SUMF1: variants seen among roughly 807,000 people sequenced by gnomAD.
The protein encoded by SUMF1 is sulfatase modifying factor 1.
Under a neutral mutation model 47.6 loss-of-function variants are expected in SUMF1, and 48 were observed. The ratio of observed to expected loss-of-function variants is 1.01; its 90% confidence interval spans 0.80 to 1.28. The LOEUF (loss-of-function observed/expected upper bound fraction) is 1.28. SUMF1 is among the 50% of genes most tolerant of loss of function. The pLI is 0.00. For synonymous variants in SUMF1, 230 were observed against 192.1 expected (o/e 1.20, Z -1.63); for missense variants, 571 against 485.4 (o/e 1.18, Z -1.66).
chr3:4,363,541 T>C (rs899207403), intron 8 of SUMF1, among the ~76,000 whole-genome samples: 1 of 151,828 alleles, frequency 6.6e-6, no homozygotes, highest in African/African-American at 2.4e-5. Context: ...TATTGGTGTA[T>C]AAGATTGCTT....
intron 8 of SUMF1, among the ~76,000 whole-genome samples, chr3:4,152,687 AT>A (rs1457025954): frequency 4.0e-5 from 6 of 151,400 alleles, no homozygotes; most frequent in African/African-American, 1.5e-4. Context: ...ACTTCTATAA[AT>A]CAAACTGTCT....
intron 3 of SUMF1, among the ~76,000 whole-genome samples, chr3:4,447,281 T>C (rs1296317942): frequency 6.6e-6 from 1 of 152,186 alleles, no homozygotes; most frequent in Non-Finnish European, 1.5e-5. Context: ...AAATAAACCA[T>C]ATTATTAACT....
chr3:4,466,937 G>A (rs1303657051), intron 1 of SUMF1, 39 bp downstream of exon 1: 8 of 1,599,576 alleles, frequency 5.0e-6, no homozygotes, highest in Non-Finnish European at 6.8e-6. Flanking sequence ...TCCAGGAACC[G>A]AGCAGCCCCC....
At chr3:4,121,814 C>A (rs566604693) in intron 8 of SUMF1, among the ~76,000 whole-genome samples, 1 of 152,086 alleles carries the variant, frequency 6.6e-6, no homozygotes, top group Admixed American at 6.5e-5. Flanking sequence ...TTTCATCACC[C>A]CAGTATTAAG....
At chr3:4,400,616 C>T (rs888482423) in intron 7 of SUMF1, among the ~76,000 whole-genome samples, 9 of 152,150 alleles carry the variant, frequency 5.9e-5, no homozygotes, top group African/African-American at 1.7e-4. Context: ...GCTTAGAAAC[C>T]GTAATCTGCT....
intron 8 of SUMF1, among the ~76,000 whole-genome samples, chr3:4,123,285 CAGA>C (rs1334910292): frequency 2.0e-5 from 3 of 152,012 alleles, no homozygotes; most frequent in African/African-American, 7.2e-5. Flanking sequence ...CACAGCACAG[CAGA>C]AGCTAGTTTA....
chr3:4,448,409 C>A (rs967230742), intron 3 of SUMF1, among the ~76,000 whole-genome samples: 1 of 150,104 alleles, frequency 6.7e-6, no homozygotes, highest in Non-Finnish European at 1.5e-5. Context: ...TGGATTCCTT[C>A]GTCTTCAATG....
intron 8 of SUMF1, among the ~76,000 whole-genome samples, chr3:4,157,021 C>T: frequency 6.6e-6 from 1 of 151,554 alleles, no homozygotes; most frequent in Admixed American, 6.5e-5. Context: ...CTGTCTGCAT[C>T]TTTGAGTACC....
At chr3:4,344,455 T>C (rs1699334162) in intron 8 of SUMF1, among the ~76,000 whole-genome samples, 1 of 151,960 alleles carries the variant, frequency 6.6e-6, no homozygotes, top group Non-Finnish European at 1.5e-5. Flanking sequence ...GACCTGACTT[T>C]TGAAAGAAAA....
chr3:4,456,953 CGT>C (rs369311457), intron 1 of SUMF1, among the ~76,000 whole-genome samples: 4 of 42,520 alleles, frequency 9.4e-5, no homozygotes, highest in African/African-American at 2.8e-4. Context: ...TACATATATA[CGT>C]GTGTGTATAT....
intron 9 of SUMF1, among the ~76,000 whole-genome samples, chr3:4,060,831 TG>T (rs1298328771): frequency 6.6e-6 from 1 of 152,166 alleles, no homozygotes; most frequent in Non-Finnish European, 1.5e-5. Flanking sequence ...GGAAAGTGTT[TG>T]GCACATAGTA....
chr3:4,133,350 C>T (rs1574912453), intron 8 of SUMF1, among the ~76,000 whole-genome samples: 1 of 151,978 alleles, frequency 6.6e-6, no homozygotes, highest in Non-Finnish European at 1.5e-5. Flanking sequence ...TATTATTGTC[C>T]TTATTTGAAA....
chr3:4,203,403 T>A (rs1648696786), intron 8 of SUMF1, among the ~76,000 whole-genome samples: 1 of 152,026 alleles, frequency 6.6e-6, no homozygotes, highest in African/African-American at 2.4e-5. Context: ...ATATAGCTAC[T>A]CCTGCTCTTT....
At chr3:4,134,778 G>A (rs1037576234) in intron 8 of SUMF1, among the ~76,000 whole-genome samples, 2 of 152,048 alleles carry the variant, frequency 1.3e-5, no homozygotes, top group Non-Finnish European at 2.9e-5. Flanking sequence ...AATAAAAAAT[G>A]ATAAAGGGGG....
intron 8 of SUMF1, among the ~76,000 whole-genome samples, chr3:4,128,499 C>T (rs904095818): frequency 3.9e-5 from 6 of 152,146 alleles, no homozygotes; most frequent in Admixed American, 6.5e-5. Flanking sequence ...CCCTGCATTG[C>T]CTGGGGCAAC....
chr3:4,043,620 C>T (rs1694949581), intron 9 of SUMF1, among the ~76,000 whole-genome samples: 2 of 152,000 alleles, frequency 1.3e-5, no homozygotes, highest in African/African-American at 2.4e-5. Flanking sequence ...CTGATAAGTC[C>T]TCTCCCAAGC....
chr3:4,353,647 A>G (rs1269875579), intron 8 of SUMF1, among the ~76,000 whole-genome samples: 2 of 152,186 alleles, frequency 1.3e-5, no homozygotes, highest in Non-Finnish European at 2.9e-5. Context: ...ATACTCTTAG[A>G]TAATTTAAAA....
At chr3:4,453,198 C>A in intron 1 of SUMF1, 149 bp from the exon 2 acceptor site, 1 of 778,462 alleles carries the variant, frequency 1.3e-6, no homozygotes, top group Non-Finnish European at 2.1e-6. Flanking sequence ...CTCTCTATAC[C>A]CCAAAGAAGG....
At chr3:4,183,286 A>G (rs1695134608) in intron 8 of SUMF1, among the ~76,000 whole-genome samples, 1 of 152,214 alleles carries the variant, frequency 6.6e-6, no homozygotes, top group South Asian at 2.1e-4. Context: ...AAATAGTTAA[A>G]ACAAAAGCAA....
Sources: allele counts gnomAD v4.1 joint callset (sites outside exome capture counted in the v4.1 genomes callset), GRCh38; gene constraint gnomAD v4.1.1; transcripts MANE v1.5; gene names NCBI Gene and HGNC (gene_info 2026-07-23, HGNC 2026-07-21).